ATRNL1: variants seen among roughly 807,000 people sequenced by gnomAD.
ATRNL1 encodes attractin like 1, also known as attractin-like protein 1.
In ATRNL1, 95 loss-of-function variants were observed where a neutral mutation model predicts 182.7. That is an observed-to-expected ratio of 0.52 (90% confidence interval 0.44 to 0.62). The LOEUF (loss-of-function observed/expected upper bound fraction) is 0.62, where lower values mean the gene tolerates loss of function less well. ATRNL1 is among the 20% of genes least tolerant of loss of function. The probability of loss-of-function intolerance (pLI) is 0.00; values close to 1 mark genes in which losing one functional copy is unlikely to be tolerated. For missense variants in ATRNL1, 1,471 were observed against 1,679.5 expected (o/e 0.88, Z 2.17); for synonymous variants, 576 against 568.3 (o/e 1.01, Z -0.19).
At chr10:115,425,299 A>G (rs1277206723) in intron 20 of ATRNL1, among the ~76,000 whole-genome samples, 2 of 148,576 alleles carry the variant, frequency 1.3e-5, no homozygotes, top group African/African-American at 2.5e-5. Context: ...GAGTTGAAAT[A>G]TATGTAATAT....
At chr10:115,490,744 C>T (rs1373687605) in intron 24 of ATRNL1, among the ~76,000 whole-genome samples, 1 of 152,158 alleles carries the variant, frequency 6.6e-6, no homozygotes, top group African/African-American at 2.4e-5. Context: ...TTGTCAAACT[C>T]ATTCTCCATC....
chr10:115,673,437 A>C (rs1945760801), intron 26 of ATRNL1, among the ~76,000 whole-genome samples: 1 of 152,026 alleles, frequency 6.6e-6, no homozygotes, highest in African/African-American at 2.4e-5. Context: ...AGGGTTGCTG[A>C]ACTGCAATAT....
chr10:115,303,899 A>C (rs141479486), intron 17 of ATRNL1, among the ~76,000 whole-genome samples: 2 of 152,322 alleles, frequency 1.3e-5, no homozygotes, highest in African/African-American at 4.8e-5. Flanking sequence ...AAATGTATTC[A>C]ATGAGATAGG....
chr10:115,805,381 G>GAGC (rs1555085423), intron 27 of ATRNL1, among the ~76,000 whole-genome samples: 13 of 152,080 alleles, frequency 8.5e-5, no homozygotes, highest in Non-Finnish European at 1.5e-5. Flanking sequence ...ACTTCTGCAG[G>GAGC]TCCATTCTCT....
chr10:115,839,630 C>T (rs1950757518), intron 27 of ATRNL1, among the ~76,000 whole-genome samples: 2 of 152,124 alleles, frequency 1.3e-5, no homozygotes, highest in Admixed American at 1.3e-4. Flanking sequence ...TAAAGTCCTT[C>T]TCCAGAACTT....
At chr10:115,651,215 T>G (rs12262956) in intron 26 of ATRNL1, among the ~76,000 whole-genome samples, 1,778 of 152,276 alleles carry the variant, frequency 0.012, 36 homozygotes, top group African/African-American at 0.04. Flanking sequence ...TTATTCATGC[T>G]ACTAGACGTG....
chr10:115,433,704 A>T (rs180945454), intron 21 of ATRNL1, among the ~76,000 whole-genome samples: 1 of 152,164 alleles, frequency 6.6e-6, no homozygotes, highest in Non-Finnish European at 1.5e-5. Context: ...GATAATAAAC[A>T]TGATTATAAG....
At chr10:115,170,640 G>A (rs1338617899) in intron 7 of ATRNL1, among the ~76,000 whole-genome samples, 1 of 151,956 alleles carries the variant, frequency 6.6e-6, no homozygotes, top group African/African-American at 2.4e-5. Context: ...TCAGTTATAT[G>A]GGAGGAGTAC....
intron 21 of ATRNL1, among the ~76,000 whole-genome samples, chr10:115,454,914 A>G (rs1312316182): frequency 5.9e-5 from 9 of 152,000 alleles, no homozygotes; most frequent in African/African-American, 2.2e-4. Context: ...ATTGCTCTGG[A>G]CCTTACTTCC....
intron 9 of ATRNL1, among the ~76,000 whole-genome samples, chr10:115,230,927 G>T (rs1490275786): frequency 7.4e-5 from 11 of 147,726 alleles, no homozygotes; most frequent in African/African-American, 2.5e-5. Flanking sequence ...GAGAGAAAGA[G>T]AGAAATAGTG....
intron 28 of ATRNL1, among the ~76,000 whole-genome samples, chr10:115,900,293 A>T (rs907918809): frequency 1.3e-5 from 2 of 149,310 alleles, no homozygotes; most frequent in Non-Finnish European, 2.9e-5. Flanking sequence ...AGGTAATATC[A>T]TAAAACATTT....
Position 115,475,767 on chromosome 10 carries a change from G to A in ATRNL1, c.3654+6438G>A, listed in dbSNP as rs183575824. On this transcript the variant is annotated intron_variant, in intron 24 of 28. Coordinates refer to ENST00000355044, the MANE Select transcript of ATRNL1 (RefSeq NM_207303.4). ...CATTTTCTTTTTCTTCATCATCACC[G>A]TCAACGTCATTGGTATTTAAGAGAG... Among the ~76,000 whole-genome samples the A allele has an allele frequency of 1.5e-3, 221 of 151,280 alleles. 1 individual carries two copies. Among genetic ancestry groups the A allele is most frequent in the African/African-American group, 5.0e-3 (208 of 41,424 alleles).
intron 26 of ATRNL1, among the ~76,000 whole-genome samples, chr10:115,616,936 A>G (rs74161606): frequency 0.011 from 1,661 of 152,268 alleles, 27 homozygotes; most frequent in African/African-American, 0.038. Flanking sequence ...GTCAGGTTGG[A>G]GCTCCTACAC....
intron 19 of ATRNL1, among the ~76,000 whole-genome samples, chr10:115,358,301 A>G (rs1856591398): frequency 6.6e-6 from 1 of 151,680 alleles, no homozygotes; most frequent in African/African-American, 2.4e-5. Context: ...CTATTTCTAA[A>G]ATATTTGTTG....
chr10:115,286,216 C>T lies in ATRNL1; in HGVS notation c.2234C>T (p.Ala745Val). 1 of 1,508,928 alleles carries T rather than the reference C, an allele frequency of 6.6e-7. No individual in the cohort carries two copies. Among genetic ancestry groups the T allele is most frequent in the African/African-American group, 1.4e-5 (1 of 71,980 alleles). The allele number at this position is 1,508,928 out of a possible 1,614,324, so 93.5% of individuals were successfully genotyped here. The change falls in exon 15 of 29, where the codon GCT (alanine) becomes GTT (valine). Residue 745 changes from alanine to valine, a missense_variant and splice_region_variant. Around this residue, in one of 3 missense-constraint regions of ATRNL1, gnomAD observed 1,031 missense variants for 1,156.0 expected, o/e 0.89. Coordinates refer to ENST00000355044, the MANE Select transcript of ATRNL1 (RefSeq NM_207303.4). ...QRQQECQALP[A>V]HLCGEGWSHI... ...TAAGACACATTTTTTTTCTTACTAG[C>T]TCATCTTTGTGGAGAAGGATGGAGT...
At chr10:115,455,595 A>G (rs1382164277) in intron 21 of ATRNL1, among the ~76,000 whole-genome samples, 1 of 152,204 alleles carries the variant, frequency 6.6e-6, no homozygotes, top group Non-Finnish European at 1.5e-5. Flanking sequence ...CATGACTAAA[A>G]CACCAAAAGC....
chr10:115,942,290 T>C (rs375991706), intron 28 of ATRNL1, among the ~76,000 whole-genome samples: 123 of 152,356 alleles, frequency 8.1e-4, no homozygotes, highest in African/African-American at 2.8e-3. Context: ...GGAACTTATG[T>C]CTGCTGGCCG....
intron 28 of ATRNL1, among the ~76,000 whole-genome samples, chr10:115,883,534 G>A (rs34481565): frequency 0.023 from 3,567 of 152,316 alleles, 52 homozygotes; most frequent in Non-Finnish European, 0.036. Context: ...TTCATACATG[G>A]GTATGGTATA....
At chr10:115,669,630 T>A (rs539628690) in intron 26 of ATRNL1, among the ~76,000 whole-genome samples, 1 of 152,248 alleles carries the variant, frequency 6.6e-6, no homozygotes, top group South Asian at 2.1e-4. Flanking sequence ...CAACAAAGCA[T>A]TGCTTTGTAA....
Sources: allele counts gnomAD v4.1 joint callset (sites outside exome capture counted in the v4.1 genomes callset), GRCh38; gene constraint gnomAD v4.1.1; regional missense constraint gnomAD v4.1.1; transcripts MANE v1.5; gene names NCBI Gene and HGNC (gene_info 2026-07-23, HGNC 2026-07-21).